EPS15: variants seen among roughly 807,000 people sequenced by gnomAD.
EPS15 encodes the protein epidermal growth factor receptor pathway substrate 15, also known as epidermal growth factor receptor substrate 15.
In EPS15, 72 loss-of-function variants were observed where a neutral mutation model predicts 113.8. That is an observed-to-expected ratio of 0.63 (90% CI 0.52 to 0.77). The LOEUF (loss-of-function observed/expected upper bound fraction) is 0.77. Among genes scored for constraint, EPS15 ranks in the 30% least tolerant of loss-of-function variants. The pLI, the probability that EPS15 is intolerant of heterozygous loss-of-function variation, is 0.00. For missense variants in EPS15, 1,048 were observed against 1,045.8 expected, an observed-to-expected ratio of 1.00 and a Z score of -0.03; for synonymous variants, 344 against 363.4, an observed-to-expected ratio of 0.95 and a Z score of 0.61.
chr1:51,469,834 A>G (rs1381292145), intron 4 of EPS15, among the ~76,000 whole-genome samples: 1 of 151,956 alleles, frequency 6.6e-6, no homozygotes, highest in Non-Finnish European at 1.5e-5. Context: ...CGCCTATGTC[A>G]CAGATAATCT....
At chr1:51,482,205 C>T (rs1644032997) in intron 1 of EPS15, among the ~76,000 whole-genome samples, 2 of 152,154 alleles carry the variant, frequency 1.3e-5, no homozygotes, top group Middle Eastern at 6.8e-3. Context: ...ATCAAGTTTG[C>T]CTCCATATGA....
intron 11 of EPS15, among the ~76,000 whole-genome samples, chr1:51,441,922 A>C (rs1384653195): frequency 6.6e-6 from 1 of 152,176 alleles, no homozygotes; most frequent in Non-Finnish European, 1.5e-5. Flanking sequence ...TTGATAAAAC[A>C]GGTACATCAA....
intron 18 of EPS15, 72 bp from the exon 19 acceptor site, chr1:51,401,025 A>G (rs1570208948): frequency 2.0e-6 from 2 of 980,092 alleles, no homozygotes; most frequent in East Asian, 5.3e-5. Context: ...TTAAAGAGTA[A>G]CTTTCAAACA....
chr1:51,476,514 T>G (rs1377204463), intron 2 of EPS15, among the ~76,000 whole-genome samples: 4 of 152,034 alleles, frequency 2.6e-5, no homozygotes, highest in South Asian at 2.1e-4. Flanking sequence ...TCTGATGGTA[T>G]TTTGTATTTC....
intron 12 of EPS15, among the ~76,000 whole-genome samples, chr1:51,433,519 T>C (rs552849736): frequency 6.6e-6 from 1 of 152,358 alleles, no homozygotes; most frequent in Admixed American, 6.5e-5. Context: ...AGTTGGCCTG[T>C]GCCATCACAC....
intron 1 of EPS15, among the ~76,000 whole-genome samples, chr1:51,501,068 C>T (rs890452901): frequency 1.3e-5 from 2 of 151,914 alleles, no homozygotes; most frequent in Non-Finnish European, 2.9e-5. Flanking sequence ...AAAGAAAAAA[C>T]GTACTATAAA....
chr1:51,414,416 CAA>C (rs879744964), intron 13 of EPS15, among the ~76,000 whole-genome samples: 3 of 131,354 alleles, frequency 2.3e-5, no homozygotes, highest in African/African-American at 2.8e-5. Context: ...AACTCCATCT[CAA>C]AAAAAAAAAG....
In EPS15 at chr1:51,510,294, T is replaced by A. The variant is rs184645968; in HGVS notation, c.33+8905A>T. The stretch of plus-strand genomic sequence containing the variant: ...GTTCATTCTTATCCCAAAATTTGAC[T>A]GAAATATCATCAATGACTATAGGAA... On this transcript the variant is annotated intron_variant, in intron 1 of 24. Coordinates refer to ENST00000371733, the MANE Select transcript of EPS15 (RefSeq NM_001981.3). Among the ~76,000 whole-genome samples the A allele has an allele frequency of 2.6e-5, 4 of 152,306 alleles. No homozygotes were observed. In the East Asian group the frequency reaches 7.7e-4, roughly 29 times the overall value.
At chr1:51,421,439 G>C (rs2148449330) in intron 13 of EPS15, among the ~76,000 whole-genome samples, 1 of 152,120 alleles carries the variant, frequency 6.6e-6, no homozygotes, top group South Asian at 2.1e-4. Context: ...TGATGATGAT[G>C]AGATGATGAT....
chr1:51,477,236 T>C (rs1392992391), intron 2 of EPS15, among the ~76,000 whole-genome samples: 1 of 152,222 alleles, frequency 6.6e-6, no homozygotes, highest in East Asian at 1.9e-4. Flanking sequence ...CTAGTTTATT[T>C]GCATAGAGGT....
chr1:51,393,491 C>A (rs566150985), intron 21 of EPS15, among the ~76,000 whole-genome samples: 18 of 152,192 alleles, frequency 1.2e-4, no homozygotes, highest in African/African-American at 3.4e-4. Context: ...CGTGAGCCAC[C>A]GGGCCCAGGC....
intron 1 of EPS15, among the ~76,000 whole-genome samples, chr1:51,514,331 G>C (rs1644676733): frequency 6.6e-6 from 1 of 151,890 alleles, no homozygotes; most frequent in African/African-American, 2.4e-5. Flanking sequence ...ATCTCTCTCA[G>C]GCCATTTACT....
rs183641018 is a variant in EPS15 at position 51,379,345 on chromosome 1, C to T, written c.2120-13316G>A. Among the ~76,000 whole-genome samples the T allele has an allele frequency of 8.5e-5, 13 of 152,144 alleles. No homozygotes were observed. The East Asian group carries it at 2.5e-3, about 30-fold the overall frequency. On this transcript the variant is annotated intron_variant, in intron 21 of 24. Transcript: ENST00000371733. ...ATGTTGGCCAGGCTAGTCTCGAACT[C>T]CTGACCTCAAGTGATCCTCCCACCT...
intron 16 of EPS15, among the ~76,000 whole-genome samples, chr1:51,404,268 C>A (rs1315554266): frequency 6.6e-6 from 1 of 150,708 alleles, no homozygotes; most frequent in Non-Finnish European, 1.5e-5. Context: ...ATAGCTTAAA[C>A]CCGGGAGGCT....
At chr1:51,359,641 C>T (rs1423294134) in intron 24 of EPS15, among the ~76,000 whole-genome samples, 1 of 151,254 alleles carries the variant, frequency 6.6e-6, no homozygotes, top group South Asian at 2.1e-4. Context: ...GCCTGCAATC[C>T]CAGCTACTCG....
At chr1:51,478,100 T>C (rs1643947312) in intron 2 of EPS15, among the ~76,000 whole-genome samples, 1 of 152,222 alleles carries the variant, frequency 6.6e-6, no homozygotes, top group Non-Finnish European at 1.5e-5. Context: ...AGTCTCTTTG[T>C]AGGTCTCTAA....
intron 12 of EPS15, among the ~76,000 whole-genome samples, chr1:51,430,118 A>G (rs1014547591): frequency 6.6e-6 from 1 of 152,192 alleles, no homozygotes; most frequent in African/African-American, 2.4e-5. Context: ...GCTGATGACA[A>G]TTGCTAGAAA....
chr1:51,383,561 C>CA (rs1370792624), intron 21 of EPS15, among the ~76,000 whole-genome samples: 6 of 152,176 alleles, frequency 3.9e-5, no homozygotes, highest in Non-Finnish European at 8.8e-5. Context: ...GGTTCAAGCT[C>CA]CTATGAGAAT....
intron 2 of EPS15, among the ~76,000 whole-genome samples, chr1:51,476,426 G>A (rs1643902320): frequency 6.6e-6 from 1 of 151,894 alleles, no homozygotes; most frequent in Admixed American, 6.6e-5. Context: ...ACCCTCTTGG[G>A]AGCGTGTATG....
Sources: gnomAD v4.1 joint callset for allele counts (sites outside exome capture counted in the v4.1 genomes callset) on GRCh38, gnomAD v4.1.1 for gene constraint, MANE v1.5 for transcripts, NCBI Gene and HGNC (gene_info 2026-07-23, HGNC 2026-07-21) for gene names.